The following CD96 variants were observed in gnomAD, a reference collection of about 807,000 sequenced individuals.
The protein encoded by CD96 is T-cell surface protein tactile.
CD96 carries 70 observed loss-of-function variants against 71.3 expected under a neutral mutation model. That is an observed-to-expected ratio of 0.98 (90% CI 0.81 to 1.20). The LOEUF (loss-of-function observed/expected upper bound fraction) is 1.20, where lower values mean the gene tolerates loss of function less well. Among genes scored for constraint, CD96 ranks in the 50% most tolerant of loss-of-function variants. The pLI is 0.00. For synonymous variants in CD96, 248 were observed against 233.0 expected (o/e 1.06, Z -0.59); for missense variants, 742 against 677.5 (o/e 1.10, Z -1.06).
At chr3:111,623,250 G>T (rs1938593151) in intron 8 of CD96, among the ~76,000 whole-genome samples, 1 of 152,046 alleles carries the variant, frequency 6.6e-6, no homozygotes, top group Non-Finnish European at 1.5e-5. Flanking sequence ...CTTTCATTTT[G>T]GGGGAGTGAG....
At chr3:111,645,903 A>G (rs1417528406) in intron 12 of CD96, among the ~76,000 whole-genome samples, 1 of 152,168 alleles carries the variant, frequency 6.6e-6, no homozygotes, top group Non-Finnish European at 1.5e-5. Context: ...ATAACATCAC[A>G]TGGTTTCAGT....
At chr3:111,546,894 C>CCACA (rs751844646) in intron 2 of CD96, among the ~76,000 whole-genome samples, 2 of 76,196 alleles carry the variant, frequency 2.6e-5, no homozygotes, top group East Asian at 9.3e-4. Context: ...GGAAAACACA[C>CCACA]CACACACACA....
At chr3:111,589,268 G>C (rs1275504910) in intron 5 of CD96, among the ~76,000 whole-genome samples, 1 of 152,046 alleles carries the variant, frequency 6.6e-6, no homozygotes, top group Non-Finnish European at 1.5e-5. Flanking sequence ...TTTTTTATAA[G>C]GATCTCTAAT....
chr3:111,549,466 TG>T (rs1382880435), intron 2 of CD96, among the ~76,000 whole-genome samples: 1 of 152,178 alleles, frequency 6.6e-6, no homozygotes, highest in East Asian at 1.9e-4. Context: ...TGATTTTTTT[TG>T]TTTTGCATTT....
At chr3:111,638,284 C>G in intron 12 of CD96, 116 bp downstream of exon 12, 1 of 760,824 alleles carries the variant, frequency 1.3e-6, no homozygotes, top group Non-Finnish European at 2.4e-6. Flanking sequence ...AGTGAACACA[C>G]TGGCTTTTTG....
chr3:111,630,640 G>T (rs967093082), intron 10 of CD96, among the ~76,000 whole-genome samples: 1 of 152,024 alleles, frequency 6.6e-6, no homozygotes, highest in Admixed American at 6.6e-5. Flanking sequence ...AGAAGGAAAT[G>T]CTTCCTAACT....
chr3:111,641,041 A>G (rs943001137), intron 12 of CD96, among the ~76,000 whole-genome samples: 5 of 152,214 alleles, frequency 3.3e-5, no homozygotes, highest in African/African-American at 9.6e-5. Context: ...TTATGCATAA[A>G]TCACACAGGA....
chr3:111,549,931 T>A (rs1934611084), intron 2 of CD96, among the ~76,000 whole-genome samples: 1 of 151,902 alleles, frequency 6.6e-6, no homozygotes, highest in Non-Finnish European at 1.5e-5. Flanking sequence ...AGATACAGAG[T>A]CATCTGAGTG....
chr3:111,660,067 G>A (rs890390951), intron 14 of CD96, among the ~76,000 whole-genome samples: 7 of 152,152 alleles, frequency 4.6e-5, no homozygotes, highest in African/African-American at 1.7e-4. Context: ...CATCCCAATA[G>A]TGAAAGAAGT....
intron 7 of CD96, among the ~76,000 whole-genome samples, chr3:111,606,244 G>T (rs543185989): frequency 1.3e-5 from 2 of 152,272 alleles, no homozygotes; most frequent in South Asian, 4.1e-4. Flanking sequence ...TTGGGTAGTT[G>T]TATCATTGTT....
intron 3 of CD96, among the ~76,000 whole-genome samples, chr3:111,576,583 G>A (rs997497967): frequency 6.6e-6 from 1 of 152,042 alleles, no homozygotes; most frequent in African/African-American, 2.4e-5. Flanking sequence ...CCCCGGTTCT[G>A]GGCCTCCTTG....
At chr3:111,561,022 T>C (rs1431866284) in intron 2 of CD96, among the ~76,000 whole-genome samples, 1 of 142,716 alleles carries the variant, frequency 7.0e-6, no homozygotes, top group East Asian at 2.0e-4. Flanking sequence ...GCTTCTGCAT[T>C]CTTCACATAG....
downstream of CD96, among the ~76,000 whole-genome samples, chr3:111,657,212 G>GT (rs902944016): frequency 2.0e-5 from 3 of 152,244 alleles, no homozygotes; most frequent in African/African-American, 7.2e-5. Flanking sequence ...GAAGTCAGGA[G>GT]TTTGAGACCA....
At chr3:111,572,667 C>T (rs551637198) in intron 3 of CD96, among the ~76,000 whole-genome samples, 1 of 152,324 alleles carries the variant, frequency 6.6e-6, no homozygotes, top group African/African-American at 2.4e-5. Flanking sequence ...CAAAGGCCTT[C>T]TGCCCCAAGT....
intron 5 of CD96, among the ~76,000 whole-genome samples, chr3:111,587,591 T>A (rs1936774897): frequency 6.6e-6 from 1 of 152,230 alleles, no homozygotes; most frequent in African/African-American, 2.4e-5. Context: ...TGGGGACTAC[T>A]TGTGGGGCCT....
intron 3 of CD96, among the ~76,000 whole-genome samples, chr3:111,576,896 A>C (rs566459450): frequency 3.3e-4 from 51 of 152,284 alleles, no homozygotes; most frequent in Admixed American, 3.1e-3. Context: ...GCAGCCACTC[A>C]TATGTAAGTT....
intron 4 of CD96, among the ~76,000 whole-genome samples, chr3:111,581,829 G>T (rs1936479887): frequency 6.6e-6 from 1 of 152,124 alleles, no homozygotes; most frequent in South Asian, 2.1e-4. Context: ...CTTGGTTTTG[G>T]GTTCCCCTGA....
At chr3:111,597,473 T>A (rs912170560) in intron 5 of CD96, among the ~76,000 whole-genome samples, 1 of 152,246 alleles carries the variant, frequency 6.6e-6, no homozygotes, top group Non-Finnish European at 1.5e-5. Flanking sequence ...AGACATGGTT[T>A]CTAATTGTGC....
chr3:111,647,621 T>C lies in CD96; in HGVS notation c.1556T>C (p.Leu519Ser). Reference protein sequence around the residue: ...VAALLFCCMILFGLGVRKWCQ... With the variant: ...VAALLFCCMISFGLGVRKWCQ... ...GCTTTACTCTTTTGCTGCATGATATTGTTTGGTCTTGGAGTGAGAAAATGG... is the reference window on the plus strand; with the variant it reads ...GCTTTACTCTTTTGCTGCATGATATCGTTTGGTCTTGGAGTGAGAAAATGG... Residue 519 changes from leucine to serine, a missense_variant, in exon 13 of 14, where the codon TTG (leucine) becomes TCG (serine). Coordinates refer to ENST00000352690, the MANE Select transcript of CD96 (RefSeq NM_005816.5). The C allele has an allele frequency of 6.2e-7, 1 of 1,611,906 alleles. No individual in the cohort carries two copies. Among genetic ancestry groups the C allele is most frequent in the East Asian group, 2.2e-5 (1 of 44,842 alleles).
Sources: gnomAD v4.1 joint callset for allele counts (sites outside exome capture counted in the v4.1 genomes callset) on GRCh38, gnomAD v4.1.1 for gene constraint, MANE v1.5 for transcripts, NCBI Gene and HGNC (gene_info 2026-07-23, HGNC 2026-07-21) for gene names.